The following PINX1 variants were observed in gnomAD, a reference collection of about 807,000 sequenced individuals.
PINX1 encodes the protein PIN2 (TERF1) interacting telomerase inhibitor 1, also known as PIN2/TERF1-interacting telomerase inhibitor 1.
A neutral mutation model predicts 25.4 loss-of-function variants in PINX1; 34 were observed. The observed-to-expected ratio is 1.34, with a 90% CI of 1.02 to 1.78. The LOEUF is 1.78. PINX1 is among the 40% of genes most tolerant of loss of function. The probability of loss-of-function intolerance (pLI) is 0.00; values close to 1 mark genes in which losing one functional copy is unlikely to be tolerated. For missense variants in PINX1, 592 were observed against 404.9 expected, an observed-to-expected ratio of 1.46 and a Z score of -3.97; for synonymous variants, 197 against 147.7, an observed-to-expected ratio of 1.33 and a Z score of -2.42.
At chr8:10,780,412 G>C (rs1267502714) in intron 6 of PINX1, among the ~76,000 whole-genome samples, 4 of 152,128 alleles carry the variant, frequency 2.6e-5, no homozygotes, top group Non-Finnish European at 5.9e-5. Context: ...ATTGTTGAGA[G>C]TTTTTACCAA....
intron 5 of PINX1, among the ~76,000 whole-genome samples, chr8:10,823,464 T>C (rs1489255443): frequency 6.6e-6 from 1 of 152,066 alleles, no homozygotes; most frequent in African/African-American, 2.4e-5. Context: ...TTTGTATCGA[T>C]TGACATTTTC....
intron 6 of PINX1, among the ~76,000 whole-genome samples, chr8:10,776,997 A>G (rs1283425733): frequency 6.6e-6 from 1 of 152,264 alleles, no homozygotes; most frequent in Non-Finnish European, 1.5e-5. Context: ...CTTCTCCTGC[A>G]CTAGACCATA....
At chr8:10,782,053 C>T (rs577653647) in intron 6 of PINX1, among the ~76,000 whole-genome samples, 9 of 152,202 alleles carry the variant, frequency 5.9e-5, no homozygotes, top group Admixed American at 1.3e-4. Flanking sequence ...ATGGATGAAC[C>T]TAGATGACAC....
At chr8:10,766,824 G>C (rs1020488487) in intron 6 of PINX1, among the ~76,000 whole-genome samples, 2 of 152,216 alleles carry the variant, frequency 1.3e-5, no homozygotes, top group African/African-American at 4.8e-5. Flanking sequence ...TGAGAAGCGA[G>C]AGAAAATTCC....
intron 6 of PINX1, among the ~76,000 whole-genome samples, chr8:10,817,675 CAGT>C (rs1797742213): frequency 1.3e-5 from 2 of 152,202 alleles, no homozygotes; most frequent in African/African-American, 4.8e-5. Flanking sequence ...AGGTCAGCAG[CAGT>C]ATCACCTGGG....
At chr8:10,787,604 T>A (rs17152410) in intron 6 of PINX1, 29,195 of 309,106 alleles carry the variant, frequency 0.094, 2,198 homozygotes, top group African/African-American at 0.25. Flanking sequence ...GTAAGCTATG[T>A]GATGGCAAGA....
At chr8:10,774,544 G>A (rs1801328578) in intron 6 of PINX1, among the ~76,000 whole-genome samples, 1 of 152,172 alleles carries the variant, frequency 6.6e-6, no homozygotes, top group South Asian at 2.1e-4. Context: ...GCCACCCAAA[G>A]TGCTGGGATT....
intron 6 of PINX1, among the ~76,000 whole-genome samples, chr8:10,776,773 C>T (rs1357171578): frequency 6.6e-6 from 1 of 152,150 alleles, no homozygotes; most frequent in African/African-American, 2.4e-5. Context: ...ACCAGAGTCG[C>T]CACCCTGCTC....
Position 10,826,219 on chromosome 8 carries a change from T to G in PINX1, c.327A>C (p.Lys109Asn), listed in dbSNP as rs1393314005. The change falls in exon 5 of 7, where the codon AAA (lysine) becomes AAC (asparagine). Residue 109 changes from lysine (K) to asparagine (N), a missense_variant. Transcript: ENST00000314787. ...TGGACTTTTCCTCAAGGCTAAAAGA[T>G]TTCTTTTCCTTCTTGTCCGAGGAAT... is the stretch of plus-strand genomic sequence containing the variant. ...TTDSSDKKEKKSFSLEEKSKI... is the reference protein window; with the variant it reads ...TTDSSDKKEKNSFSLEEKSKI... 6.3e-7 allele frequency: 1 copy of G among 1,588,896 alleles called. No individual in the cohort carries two copies. Among genetic ancestry groups the G allele is most frequent in the Non-Finnish European group, 8.6e-7 (1 of 1,160,966 alleles).
chr8:10,818,633 G>C (rs775543540), intron 6 of PINX1, among the ~76,000 whole-genome samples: 1 of 152,158 alleles, frequency 6.6e-6, no homozygotes, highest in Admixed American at 6.5e-5. Flanking sequence ...AACGTGCAGG[G>C]ATGTGGAAAC....
chr8:10,821,301 T>G (rs1797860150), intron 5 of PINX1, among the ~76,000 whole-genome samples: 1 of 152,202 alleles, frequency 6.6e-6, no homozygotes. Flanking sequence ...AAATATGATA[T>G]TGCTCAGTGA....
At chr8:10,822,709 C>T (rs1797915714) in intron 5 of PINX1, among the ~76,000 whole-genome samples, 2 of 152,016 alleles carry the variant, frequency 1.3e-5, no homozygotes, top group Admixed American at 6.5e-5. Flanking sequence ...GACACGAGAA[C>T]TTAGGAATCA....
intron 2 of PINX1, 144 bp downstream of exon 2, chr8:10,834,522 G>C: frequency 8.3e-7 from 1 of 1,202,880 alleles, no homozygotes; most frequent in South Asian, 1.6e-5. Flanking sequence ...ATCATCATAA[G>C]GTCACAACAA....
intron 6 of PINX1, among the ~76,000 whole-genome samples, chr8:10,795,310 A>G (rs1586161904): frequency 1.3e-5 from 2 of 152,284 alleles, no homozygotes; most frequent in Non-Finnish European, 2.9e-5. Flanking sequence ...TGTCTTTCTT[A>G]GCTGCTCTAA....
chr8:10,795,273 A>T (rs1802050859), intron 6 of PINX1, among the ~76,000 whole-genome samples: 1 of 152,306 alleles, frequency 6.6e-6, no homozygotes, highest in Non-Finnish European at 1.5e-5. Context: ...CCTGGCTACA[A>T]ACAGAGGGCT....
chr8:10,812,541 G>A (rs1442013109), intron 6 of PINX1, among the ~76,000 whole-genome samples: 1 of 152,158 alleles, frequency 6.6e-6, no homozygotes, highest in East Asian at 1.9e-4. Context: ...TTCCTGAGTT[G>A]TTACCTTTCG....
chr8:10,837,074 G>C (rs1393685253), intron 1 of PINX1, among the ~76,000 whole-genome samples: 1 of 152,174 alleles, frequency 6.6e-6, no homozygotes, highest in Non-Finnish European at 1.5e-5. Flanking sequence ...TTCATAACAG[G>C]GAACTCAAGG....
At chr8:10,780,720 AG>A (rs1305856364) in intron 6 of PINX1, among the ~76,000 whole-genome samples, 1 of 152,244 alleles carries the variant, frequency 6.6e-6, no homozygotes, top group Non-Finnish European at 1.5e-5. Context: ...GGACACAGAT[AG>A]ATGGAAAGAT....
At chr8:10,802,239 T>C (rs1802286413) in intron 6 of PINX1, among the ~76,000 whole-genome samples, 1 of 152,170 alleles carries the variant, frequency 6.6e-6, no homozygotes, top group African/African-American at 2.4e-5. Flanking sequence ...AGAGAATTGC[T>C]TTAGGGGGAA....
Sources: allele counts gnomAD v4.1 joint callset (sites outside exome capture counted in the v4.1 genomes callset), GRCh38; gene constraint gnomAD v4.1.1; transcripts MANE v1.5; gene names NCBI Gene and HGNC (gene_info 2026-07-23, HGNC 2026-07-21).